The following USP28 variants were observed in gnomAD, a reference collection of about 807,000 sequenced individuals.
USP28 encodes ubiquitin specific peptidase 28.
Under a neutral mutation model 145.0 loss-of-function variants are expected in USP28, and 113 were observed. That is an observed-to-expected ratio of 0.78 (90% CI 0.67 to 0.91). The LOEUF is 0.91. Among genes scored for constraint, USP28 ranks in the 40% least tolerant of loss-of-function variants. The pLI is 0.00. For synonymous variants in USP28, 447 were observed against 450.9 expected (o/e 0.99, Z 0.11); for missense variants, 1,201 against 1,289.6 (o/e 0.93, Z 1.05).
At chr11:113,801,575 A>C in exon 24 of USP28, 1 of 1,610,424 alleles carries the variant, frequency 6.2e-7, no homozygotes, top group South Asian at 1.1e-5. Flanking sequence ...ATTAATGATA[A>C]GGTGAATGCA....
intron 12 of USP28, 120 bp from the exon 13 acceptor site, chr11:113,817,957 C>A: frequency 9.4e-7 from 1 of 1,065,514 alleles, no homozygotes; most frequent in Non-Finnish European, 1.4e-6. Context: ...AGAGGCTATA[C>A]AATATTTAAT....
At chr11:113,871,492 G>A (rs1948811050) in intron 1 of USP28, among the ~76,000 whole-genome samples, 1 of 152,118 alleles carries the variant, frequency 6.6e-6, no homozygotes, top group Non-Finnish European at 1.5e-5. Context: ...CAGCATTCCC[G>A]GCTTCTACGC....
intron 5 of USP28, among the ~76,000 whole-genome samples, chr11:113,839,616 C>T (rs1944963935): frequency 1.3e-5 from 2 of 151,972 alleles, no homozygotes; most frequent in Admixed American, 1.3e-4. Context: ...GCGCCAGGTG[C>T]AGCGGCTCAC....
intron 4 of USP28, 70 bp downstream of exon 4, chr11:113,841,593 A>G: frequency 1.1e-6 from 1 of 927,476 alleles, no homozygotes; most frequent in Non-Finnish European, 1.6e-6. Context: ...CCTGAGTGGC[A>G]TTCACAGAGC....
Position 113,803,099 on chromosome 11 carries a change from G to A in USP28, c.2862+59C>T, listed in dbSNP as rs112309468. The A allele has an allele frequency of 1.2e-3, 1,794 of 1,500,398 alleles. 14 individuals carry two copies. In the African/African-American group the frequency reaches 0.023, roughly 19 times the overall value. 92.9% of individuals were successfully genotyped at this position (1,500,398 alleles called of 1,614,324 possible). On this transcript the variant is annotated intron_variant, in intron 23 of 24. Transcript: ENST00000003302. The stretch of plus-strand genomic sequence containing the variant: ...GTTTTGAAAGCCATATATTTTCCTG[G>A]CTTCAAGGAGCAGAGGTAAACAACA...
chr11:113,823,848 ACTGATGCATTCCCC>A, intron 11 of USP28, 148 bp from the exon 12 acceptor site: 1 of 537,340 alleles, frequency 1.9e-6, no homozygotes, highest in Non-Finnish European at 3.1e-6. Flanking sequence ...CAAGGTTAAA[ACTGATGCATTCCCC>A]CTAAAATCAG....
intron 13 of USP28, among the ~76,000 whole-genome samples, chr11:113,816,979 C>T (rs1001354368): frequency 6.6e-6 from 1 of 151,888 alleles, no homozygotes; most frequent in Non-Finnish European, 1.5e-5. Flanking sequence ...GGGGCGGTGG[C>T]GGGGGATGTG....
chr11:113,875,363 AC>A lies in USP28; in HGVS notation c.57+81del, dbSNP rs951277635. 13 of 1,094,432 alleles carry A rather than the reference AC, an allele frequency of 1.2e-5. No individual in the cohort carries two copies. The African/African-American group carries it at 2.2e-4, about 18-fold the overall frequency. The allele number at this position is 1,094,432 out of a possible 1,614,324, so 67.8% of individuals were successfully genotyped here. On this transcript the variant is annotated intron_variant, in intron 1 of 24. Transcript: ENST00000003302. ...GCCGGGGCGCCCTCCGCAGCCCGCA[AC>A]CCGCAGCCCTGCAGGCCCCGCACGC...
At chr11:113,825,839 G>A (rs1433154327) in intron 11 of USP28, among the ~76,000 whole-genome samples, 1 of 152,168 alleles carries the variant, frequency 6.6e-6, no homozygotes, top group Non-Finnish European at 1.5e-5. Flanking sequence ...TGGAGATGGA[G>A]AGAAAGGGAA....
At chr11:113,874,506 AG>A (rs1216671702) in intron 1 of USP28, 1 of 1,288,468 alleles carries the variant, frequency 7.8e-7, no homozygotes, top group South Asian at 1.2e-5. Flanking sequence ...AAGGTATAAA[AG>A]GATTCTCACC....
intron 5 of USP28, among the ~76,000 whole-genome samples, chr11:113,837,283 A>G (rs1296225917): frequency 6.6e-6 from 1 of 152,236 alleles, no homozygotes; most frequent in Non-Finnish European, 1.5e-5. Context: ...TCAAGGGCCT[A>G]GAACACTGCT....
At chr11:113,857,825 T>C (rs1565485984) in intron 1 of USP28, among the ~76,000 whole-genome samples, 2 of 152,206 alleles carry the variant, frequency 1.3e-5, no homozygotes, top group Admixed American at 1.3e-4. Context: ...TCAATATATC[T>C]GGGATAACAC....
At chr11:113,870,441 C>T (rs1432543312) in intron 1 of USP28, among the ~76,000 whole-genome samples, 2 of 152,204 alleles carry the variant, frequency 1.3e-5, no homozygotes, top group Non-Finnish European at 2.9e-5. Context: ...GTGGGAGGAT[C>T]GCTTGAGCCT....
intron 1 of USP28, among the ~76,000 whole-genome samples, chr11:113,867,566 GA>G (rs879372573): frequency 0.014 from 1,950 of 142,524 alleles, 43 homozygotes; most frequent in African/African-American, 0.045. Context: ...TGCCTCAATT[GA>G]AAAAAAAAAA....
At chr11:113,800,218 G>T (rs1335715207) in intron 24 of USP28, among the ~76,000 whole-genome samples, 1 of 152,074 alleles carries the variant, frequency 6.6e-6, no homozygotes, top group Non-Finnish European at 1.5e-5. Flanking sequence ...TGTGAGCCAG[G>T]ATGGTCTCCA....
intron 12 of USP28, chr11:113,822,336 C>T (rs1942728933): frequency 6.6e-6 from 1 of 152,460 alleles, no homozygotes; most frequent in South Asian, 2.1e-4. Context: ...GTAATCCCAG[C>T]TACTCTGGAG....
In USP28 at chr11:113,803,943, A is replaced by C; in HGVS notation, c.2659-66T>G. The C allele has an allele frequency of 2.1e-6, 3 of 1,413,220 alleles. No individual in the cohort carries two copies. The South Asian group carries it at 3.6e-5, about 17-fold the overall frequency. The allele number at this position is 1,413,220 out of a possible 1,614,324, so 87.5% of individuals were successfully genotyped here. ...AGATTGTTAGTGTCCTTCCCATCTAAGTTTTAAATTCATTACAAATATTTA... is the reference window on the plus strand; with the variant it reads ...AGATTGTTAGTGTCCTTCCCATCTACGTTTTAAATTCATTACAAATATTTA... On this transcript the variant is annotated intron_variant, in intron 21 of 24. Transcript: ENST00000003302.
chr11:113,826,376 T>A (rs1259839793), intron 11 of USP28, among the ~76,000 whole-genome samples: 26 of 106,690 alleles, frequency 2.4e-4, no homozygotes, highest in Non-Finnish European at 4.1e-4. Flanking sequence ...TGAGACAGGG[T>A]CTCACTCTGT....
At chr11:113,856,995 A>G (rs1242164314) in intron 1 of USP28, among the ~76,000 whole-genome samples, 9 of 152,248 alleles carry the variant, frequency 5.9e-5, no homozygotes, top group African/African-American at 1.9e-4. Context: ...TAAACCAGCT[A>G]TCATCAGAAG....
Sources: allele counts gnomAD v4.1 joint callset (sites outside exome capture counted in the v4.1 genomes callset), GRCh38; gene constraint gnomAD v4.1.1; transcripts MANE v1.5; gene names NCBI Gene and HGNC (gene_info 2026-07-23, HGNC 2026-07-21).